The following HOMER1 variants were observed in gnomAD, a reference collection of about 807,000 sequenced individuals.
HOMER1 encodes homer protein homolog 1.
Under a neutral mutation model 48.9 loss-of-function variants are expected in HOMER1, and 3 were observed. The ratio of observed to expected loss-of-function variants is 0.06; its 90% CI spans 0.03 to 0.16. The LOEUF (loss-of-function observed/expected upper bound fraction) is 0.16, where lower values mean the gene tolerates loss of function less well. Ranked by LOEUF, HOMER1 falls within the 10% of genes least tolerant of loss-of-function variation. The pLI, the probability that HOMER1 is intolerant of heterozygous loss-of-function variation, is 1.00. For synonymous variants in HOMER1, 134 were observed against 146.4 expected (o/e 0.92, Z 0.61); for missense variants, 247 against 411.4 (o/e 0.60, Z 3.46).
chr5:79,394,860 A>G (rs563102654), intron 8 of HOMER1, among the ~76,000 whole-genome samples: 1 of 152,342 alleles, frequency 6.6e-6, no homozygotes, highest in Admixed American at 6.5e-5. Context: ...ATAAGCAACT[A>G]TGCCTGGCTT....
intron 1 of HOMER1, among the ~76,000 whole-genome samples, chr5:79,484,204 A>G (rs571051386): frequency 6.6e-6 from 1 of 152,310 alleles, no homozygotes; most frequent in South Asian, 2.1e-4. Flanking sequence ...TTAAAGATGT[A>G]TACTATAAAC....
At chr5:79,478,043 T>A (rs1299808298) in intron 1 of HOMER1, among the ~76,000 whole-genome samples, 3 of 152,156 alleles carry the variant, frequency 2.0e-5, no homozygotes, top group African/African-American at 7.2e-5. Context: ...TATTCATAAT[T>A]AGTCTTGGGA....
In HOMER1 at chr5:79,510,136, T is replaced by C. The variant is rs138195557; in HGVS notation, c.5+2634A>G. The stretch of plus-strand genomic sequence containing the variant: ...CTTCTACTTCCATCTACCCTTCCTC[T>C]CTCTACTCAAGTCACTATCAATGAG... On this transcript the variant is annotated intron_variant, in intron 1 of 8. Coordinates refer to ENST00000334082, the MANE Select transcript of HOMER1 (RefSeq NM_004272.5). Among the ~76,000 whole-genome samples, 813 of 151,046 alleles carry C rather than the reference T, an allele frequency of 5.4e-3. 7 individuals are homozygous for C. The highest frequency in any genetic ancestry group is 0.019 in the African/African-American group (781 of 41,062).
At chr5:79,394,846 A>G (rs1163752783) in intron 8 of HOMER1, among the ~76,000 whole-genome samples, 1 of 152,248 alleles carries the variant, frequency 6.6e-6, no homozygotes, top group Non-Finnish European at 1.5e-5. Context: ...CTGGGATTAT[A>G]GGCATAAGCA....
At chr5:79,413,612 T>C (rs1374529761) in intron 5 of HOMER1, among the ~76,000 whole-genome samples, 1 of 151,462 alleles carries the variant, frequency 6.6e-6, no homozygotes, top group Non-Finnish European at 1.5e-5. Context: ...ACCTTCCCTG[T>C]ATCTTCCTCT....
chr5:79,445,766 T>C (rs1453486495), intron 4 of HOMER1, among the ~76,000 whole-genome samples: 1 of 151,950 alleles, frequency 6.6e-6, no homozygotes, highest in Non-Finnish European at 1.5e-5. Flanking sequence ...ATGCAAAAAT[T>C]AGCCAGGTGG....
intron 5 of HOMER1, among the ~76,000 whole-genome samples, chr5:79,436,166 A>T (rs1158016388): frequency 3.3e-5 from 5 of 151,702 alleles, no homozygotes; most frequent in South Asian, 4.1e-4. Flanking sequence ...AAATAAAAAT[A>T]AAAAAATAAA....
intron 8 of HOMER1, among the ~76,000 whole-genome samples, chr5:79,393,602 G>A (rs1311426549): frequency 1.3e-5 from 2 of 152,142 alleles, no homozygotes; most frequent in Non-Finnish European, 2.9e-5. Context: ...TATCCAGTGG[G>A]TACCCTGCTT....
At chr5:79,414,304 A>C (rs1012057513) in intron 5 of HOMER1, among the ~76,000 whole-genome samples, 1 of 151,298 alleles carries the variant, frequency 6.6e-6, no homozygotes, top group Non-Finnish European at 1.5e-5. Flanking sequence ...AGTGTTGTCC[A>C]GGCTGGTCTC....
At chr5:79,501,830 T>C (rs537793006) in intron 1 of HOMER1, among the ~76,000 whole-genome samples, 1 of 152,264 alleles carries the variant, frequency 6.6e-6, no homozygotes, top group East Asian at 1.9e-4. Flanking sequence ...CCATAAAAAG[T>C]ACAGTTTAGT....
intron 4 of HOMER1, among the ~76,000 whole-genome samples, chr5:79,442,010 TG>T (rs1750750689): frequency 6.8e-6 from 1 of 146,208 alleles, no homozygotes; most frequent in African/African-American, 2.5e-5. Flanking sequence ...ATAAGAAAAA[TG>T]AAAAAAAAAA....
chr5:79,454,479 A>G (rs1265105160), intron 2 of HOMER1, among the ~76,000 whole-genome samples: 1 of 152,012 alleles, frequency 6.6e-6, no homozygotes, highest in Admixed American at 6.6e-5. Context: ...CTAGAGTCTC[A>G]GGTTATAATA....
chr5:79,378,657 T>C (rs1405733604), intron 8 of HOMER1, among the ~76,000 whole-genome samples: 1 of 152,126 alleles, frequency 6.6e-6, no homozygotes, highest in Non-Finnish European at 1.5e-5. Flanking sequence ...AGCTTAAGGG[T>C]ACAATGTTTC....
At position 79,402,063 on chromosome 5, in the gene HOMER1, A is replaced by G; in HGVS notation, c.528-8T>C. On this transcript the variant is annotated splice_polypyrimidine_tract_variant and splice_region_variant and intron_variant, in intron 5 of 8. Transcript: ENST00000334082. ...TGTTTGCTGATTGCTGAACTAAAAT[A>G]AAACAAAAAGAAAATTCTATCCATT... is the stretch of plus-strand genomic sequence containing the variant. 6.2e-7 allele frequency: 1 copy of G among 1,610,176 alleles called. No homozygotes were observed. The highest frequency in any genetic ancestry group is 8.5e-7 in the Non-Finnish European group (1 of 1,179,238).
chr5:79,434,482 T>C (rs1580448925), intron 5 of HOMER1, among the ~76,000 whole-genome samples: 1 of 152,130 alleles, frequency 6.6e-6, no homozygotes, highest in Non-Finnish European at 1.5e-5. Context: ...ACTTGATATA[T>C]AGCTAATCTA....
chr5:79,454,439 G>A (rs532853172), intron 2 of HOMER1, among the ~76,000 whole-genome samples: 3 of 151,732 alleles, frequency 2.0e-5, no homozygotes, highest in African/African-American at 7.2e-5. Flanking sequence ...GAGAATTCAA[G>A]GTTCAAATAA....
intron 8 of HOMER1, among the ~76,000 whole-genome samples, chr5:79,387,827 C>T (rs1032578975): frequency 2.0e-5 from 3 of 152,140 alleles, no homozygotes; most frequent in African/African-American, 7.2e-5. Context: ...CTCTATCCTC[C>T]CCAAACTATA....
At chr5:79,479,276 G>C (rs10042665) in intron 1 of HOMER1, among the ~76,000 whole-genome samples, 55,871 of 152,042 alleles carry the variant, frequency 0.37, 11,141 homozygotes, top group East Asian at 0.66. Context: ...TAATGGCCCC[G>C]AAAGAAACCT....
chr5:79,431,172 A>G (rs1460525216), intron 5 of HOMER1, among the ~76,000 whole-genome samples: 1 of 152,120 alleles, frequency 6.6e-6, no homozygotes, highest in Non-Finnish European at 1.5e-5. Flanking sequence ...TCTACAAAAA[A>G]TATTAGCCGG....
Sources: gnomAD v4.1 joint callset for allele counts (sites outside exome capture counted in the v4.1 genomes callset) on GRCh38, gnomAD v4.1.1 for gene constraint, MANE v1.5 for transcripts, NCBI Gene and HGNC (gene_info 2026-07-23, HGNC 2026-07-21) for gene names.